The following NR3C2 variants were observed in gnomAD, a reference collection of about 807,000 sequenced individuals.
NR3C2 encodes the protein mineralocorticoid receptor.
A neutral mutation model predicts 86.4 loss-of-function variants in NR3C2; 15 were observed. The observed-to-expected ratio is 0.17, with a 90% CI of 0.12 to 0.27. The LOEUF (loss-of-function observed/expected upper bound fraction) is 0.27, where lower values mean the gene tolerates loss of function less well. NR3C2 is among the 10% of genes least tolerant of loss of function. NR3C2 has a pLI of 1.00. For synonymous variants in NR3C2, 458 were observed against 450.5 expected, an observed-to-expected ratio of 1.02 and a Z score of -0.21; for missense variants, 960 against 1,195.6, an observed-to-expected ratio of 0.80 and a Z score of 2.91.
intron 2 of NR3C2, among the ~76,000 whole-genome samples, chr4:148,271,620 A>G (rs1740689667): frequency 1.3e-5 from 2 of 152,146 alleles, no homozygotes; most frequent in Admixed American, 1.3e-4. Flanking sequence ...TTTTAAAAAA[A>G]GCAAAAACTA....
At chr4:148,318,579 G>C (rs1399876048) in intron 2 of NR3C2, among the ~76,000 whole-genome samples, 3 of 152,136 alleles carry the variant, frequency 2.0e-5, no homozygotes, top group Non-Finnish European at 4.4e-5. Flanking sequence ...TAACTGGTGT[G>C]AGATGATATC....
intron 3 of NR3C2, among the ~76,000 whole-genome samples, chr4:148,219,512 T>C (rs1432681483): frequency 6.6e-6 from 1 of 152,256 alleles, no homozygotes; most frequent in African/African-American, 2.4e-5. Flanking sequence ...TTCATAATTA[T>C]ACTTAGACAT....
chr4:148,394,462 T>G (rs928213007), intron 2 of NR3C2, among the ~76,000 whole-genome samples: 1 of 151,272 alleles, frequency 6.6e-6, no homozygotes, highest in African/African-American at 2.4e-5. Flanking sequence ...GCAGGAATGC[T>G]TGATCCCAAG....
intron 2 of NR3C2, among the ~76,000 whole-genome samples, chr4:148,324,967 G>A (rs549225442): frequency 3.3e-5 from 5 of 152,282 alleles, no homozygotes; most frequent in South Asian, 4.1e-4. Flanking sequence ...ACATGGGCAT[G>A]AGAGAGAAAA....
chr4:148,325,690 C>T (rs1370474707), intron 2 of NR3C2, among the ~76,000 whole-genome samples: 1 of 152,170 alleles, frequency 6.6e-6, no homozygotes, highest in Non-Finnish European at 1.5e-5. Context: ...CAGACTTCTA[C>T]TTTTACTGTT....
At chr4:148,370,498 C>T (rs1746362551) in intron 2 of NR3C2, among the ~76,000 whole-genome samples, 1 of 152,062 alleles carries the variant, frequency 6.6e-6, no homozygotes, top group African/African-American at 2.4e-5. Context: ...TCCTACATAA[C>T]TTTTTTTCAA....
chr4:148,357,460 G>T (rs908137959), intron 2 of NR3C2, among the ~76,000 whole-genome samples: 1 of 152,056 alleles, frequency 6.6e-6, no homozygotes, highest in Non-Finnish European at 1.5e-5. Context: ...ACTATGAAAT[G>T]ACTAGACTAT....
chr4:148,412,133 GA>G (rs1273289628), intron 2 of NR3C2, among the ~76,000 whole-genome samples: 1 of 152,068 alleles, frequency 6.6e-6, no homozygotes, highest in Non-Finnish European at 1.5e-5. Context: ...TCGCCATAGG[GA>G]CTAATGCCTG....
At chr4:148,147,905 T>G (rs538725426) in intron 6 of NR3C2, among the ~76,000 whole-genome samples, 1 of 152,194 alleles carries the variant, frequency 6.6e-6, no homozygotes, top group Admixed American at 6.5e-5. Flanking sequence ...CAACAACATA[T>G]AGCATGATAG....
At chr4:148,296,043 C>CTAAAAA (rs1742033229) in intron 2 of NR3C2, among the ~76,000 whole-genome samples, 1 of 27,206 alleles carries the variant, frequency 3.7e-5, no homozygotes, top group Non-Finnish European at 8.1e-5. Flanking sequence ...TGAGCTGAGG[C>CTAAAAA]CAAAAAAAAA....
chr4:148,092,144 T>A (rs960640698), intron 8 of NR3C2, among the ~76,000 whole-genome samples: 50 of 152,272 alleles, frequency 3.3e-4, no homozygotes, highest in African/African-American at 1.2e-3. Flanking sequence ...CAGCAGCTGC[T>A]TCCCCAGTTC....
At chr4:148,087,429 G>A (rs369716095) in intron 8 of NR3C2, among the ~76,000 whole-genome samples, 45 of 152,172 alleles carry the variant, frequency 3.0e-4, no homozygotes, top group African/African-American at 1.1e-3. Context: ...AAAAGAGCCC[G>A]CATAGCCAAG....
intron 3 of NR3C2, among the ~76,000 whole-genome samples, chr4:148,240,561 C>T (rs1197958413): frequency 1.3e-5 from 2 of 152,084 alleles, no homozygotes; most frequent in African/African-American, 4.8e-5. Flanking sequence ...AGGCTCATGC[C>T]AGAATGCCCA....
chr4:148,154,923 A>G lies in NR3C2; in HGVS notation c.2015-22T>C. Reference sequence around the variant, plus strand: ...CGTGCTATAAGAAACCATAAATGATAAGGCCAAATTAAAATTATGTTTGAA... The same window carrying G: ...CGTGCTATAAGAAACCATAAATGATGAGGCCAAATTAAAATTATGTTTGAA... On this transcript the variant is annotated intron_variant, in intron 4 of 8. Coordinates refer to ENST00000358102, the MANE Select transcript of NR3C2 (RefSeq NM_000901.5). 5 of 1,530,826 alleles carry G rather than the reference A, an allele frequency of 3.3e-6. No homozygotes were observed. In the Middle Eastern group the frequency reaches 8.4e-4, roughly 257 times the overall value. 94.8% of individuals were successfully genotyped at this position (1,530,826 alleles called of 1,614,324 possible).
chr4:148,298,222 A>G lies in NR3C2; in HGVS notation c.1758-38105T>C, dbSNP rs577981193. 3.3e-5 allele frequency among the ~76,000 whole-genome samples: 5 copies of G among 152,366 alleles called. No homozygotes were observed. The East Asian group carries it at 5.8e-4, about 18-fold the overall frequency. On this transcript the variant is annotated intron_variant, in intron 2 of 8. Coordinates refer to ENST00000358102, the MANE Select transcript of NR3C2 (RefSeq NM_000901.5). ...ATATTCAATGGAATATTATGCAGCA[A>G]TAAGAATGACTTTATAGATGACATA...
At position 148,241,331 on chromosome 4, in the gene NR3C2, AAAG is replaced by A. The variant is rs1162406943; in HGVS notation, c.1897+18644_1897+18646del. ...AAAAAAAAAAAAAAAAAAAAAAAAA[AAAG>A]GGGAAAAATAAAATCTAATCTCCCT... On this transcript the variant is annotated intron_variant, in intron 3 of 8. Coordinates refer to ENST00000358102, the MANE Select transcript of NR3C2 (RefSeq NM_000901.5). Among the ~76,000 whole-genome samples, 1,290 of 141,170 alleles carry A rather than the reference AAAG, an allele frequency of 9.1e-3. 345 individuals carry two copies. Among genetic ancestry groups the A allele is most frequent in the African/African-American group, 0.024 (871 of 36,734 alleles). 92.6% of individuals were successfully genotyped at this position (141,170 alleles called of 152,430 possible).
At chr4:148,389,076 C>T (rs1747411012) in intron 2 of NR3C2, among the ~76,000 whole-genome samples, 1 of 152,170 alleles carries the variant, frequency 6.6e-6, no homozygotes, top group Non-Finnish European at 1.5e-5. Flanking sequence ...ACATAGAGGG[C>T]TATCTTTCAT....
chr4:148,294,911 C>T (rs949631364), intron 2 of NR3C2, among the ~76,000 whole-genome samples: 1 of 152,078 alleles, frequency 6.6e-6, no homozygotes, highest in Non-Finnish European at 1.5e-5. Flanking sequence ...TTGCTTGAGC[C>T]TAGGAGTTCA....
chr4:148,281,375 A>G (rs1741229479), intron 2 of NR3C2, among the ~76,000 whole-genome samples: 1 of 152,256 alleles, frequency 6.6e-6, no homozygotes, highest in East Asian at 1.9e-4. Context: ...GTTGAGCGCT[A>G]TGGTTCTAGG....
Sources: allele counts gnomAD v4.1 joint callset (sites outside exome capture counted in the v4.1 genomes callset), GRCh38; gene constraint gnomAD v4.1.1; transcripts MANE v1.5; gene names NCBI Gene and HGNC (gene_info 2026-07-23, HGNC 2026-07-21).